TAFA5: variants seen among roughly 807,000 people sequenced by gnomAD.
TAFA5 encodes TAFA chemokine like family member 5, also known as chemokine-like protein TAFA-5.
A neutral mutation model predicts 15.3 loss-of-function variants in TAFA5; 6 were observed. The observed-to-expected ratio is 0.39, with a 90% CI of 0.21 to 0.77. The LOEUF is 0.77. TAFA5 is among the 30% of genes least tolerant of loss of function. The pLI is 0.41. For synonymous variants in TAFA5, 103 were observed against 80.7 expected (o/e 1.28, Z -1.48); for missense variants, 161 against 193.1 (o/e 0.83, Z 0.98).
chr22:48,524,281 C>T (rs8138045), intron 1 of TAFA5, among the ~76,000 whole-genome samples: 62 of 152,308 alleles, frequency 4.1e-4, no homozygotes, highest in African/African-American at 1.4e-3. Context: ...GGAGGTTCTG[C>T]TGGGCTGCGC....
At chr22:48,621,320 A>G (rs1925830001) in intron 1 of TAFA5, among the ~76,000 whole-genome samples, 1 of 146,192 alleles carries the variant, frequency 6.8e-6, no homozygotes, top group Non-Finnish European at 1.5e-5. Context: ...CCATGCACCC[A>G]CCCATCCATC....
chr22:48,584,262 TCACACACCACACACA>T (rs1362796646), intron 1 of TAFA5, among the ~76,000 whole-genome samples: 41 of 103,856 alleles, frequency 3.9e-4, no homozygotes, highest in African/African-American at 1.3e-3. Flanking sequence ...ACAAAATACA[TCACACACCACACACA>T]CACACACCAC....
chr22:48,502,440 G>A (rs1920957730), intron 1 of TAFA5, among the ~76,000 whole-genome samples: 1 of 152,136 alleles, frequency 6.6e-6, no homozygotes, highest in African/African-American at 2.4e-5. Context: ...GGCTTTTGCA[G>A]CAGTTACAGT....
At chr22:48,708,349 C>T (rs1321058011) in intron 3 of TAFA5, among the ~76,000 whole-genome samples, 2 of 152,224 alleles carry the variant, frequency 1.3e-5, no homozygotes, top group Non-Finnish European at 2.9e-5. Context: ...CCCGGAGGGC[C>T]CTTCAGCTCC....
At chr22:48,687,358 A>G (rs959688096) in intron 2 of TAFA5, among the ~76,000 whole-genome samples, 1 of 144,384 alleles carries the variant, frequency 6.9e-6, no homozygotes, top group Non-Finnish European at 1.5e-5. Flanking sequence ...TGGGTGATGG[A>G]TGGATGGTGG....
chr22:48,494,885 G>A (rs1346662876), intron 1 of TAFA5, among the ~76,000 whole-genome samples: 1 of 152,216 alleles, frequency 6.6e-6, no homozygotes, highest in Non-Finnish European at 1.5e-5. Context: ...GCTCCCTGAG[G>A]CTTTGTAGCG....
chr22:48,724,961 G>A (rs1929673516), intron 3 of TAFA5, among the ~76,000 whole-genome samples: 1 of 152,242 alleles, frequency 6.6e-6, no homozygotes, highest in Admixed American at 6.5e-5. Flanking sequence ...GCTAGAGTAG[G>A]AGTAAGCAAG....
At chr22:48,522,547 G>A (rs898004496) in intron 1 of TAFA5, among the ~76,000 whole-genome samples, 107 of 152,298 alleles carry the variant, frequency 7.0e-4, no homozygotes, top group African/African-American at 2.2e-3. Flanking sequence ...GGCTGCCTGG[G>A]GTGGGCGCGG....
At chr22:48,501,453 C>G (rs117045173) in intron 1 of TAFA5, among the ~76,000 whole-genome samples, 1 of 152,206 alleles carries the variant, frequency 6.6e-6, no homozygotes, top group Non-Finnish European at 1.5e-5. Context: ...GGCGTGAACT[C>G]GGGTGACGGC....
intron 1 of TAFA5, among the ~76,000 whole-genome samples, chr22:48,570,162 A>C (rs1459688709): frequency 6.6e-6 from 1 of 152,190 alleles, no homozygotes; most frequent in Non-Finnish European, 1.5e-5. Flanking sequence ...GGCCAACATC[A>C]TGACCTCCTC....
At chr22:48,542,503 T>G (rs376907372) in intron 1 of TAFA5, among the ~76,000 whole-genome samples, 73 of 120,652 alleles carry the variant, frequency 6.1e-4, no homozygotes, top group African/African-American at 2.3e-3. Flanking sequence ...TGTGTGTGCG[T>G]GTGTGGCATG....
At chr22:48,712,165 T>A (rs1318606378) in intron 3 of TAFA5, among the ~76,000 whole-genome samples, 1 of 152,192 alleles carries the variant, frequency 6.6e-6, no homozygotes, top group East Asian at 1.9e-4. Flanking sequence ...CAAGTGATTC[T>A]CCTGCCTCAG....
intron 1 of TAFA5, among the ~76,000 whole-genome samples, chr22:48,561,075 T>G (rs975975019): frequency 6.6e-6 from 1 of 151,964 alleles, no homozygotes; most frequent in African/African-American, 2.4e-5. Context: ...GGGAGGTGGG[T>G]GGGGACTGTG....
At chr22:48,737,864 G>A (rs1052498799) in intron 3 of TAFA5, among the ~76,000 whole-genome samples, 2 of 152,184 alleles carry the variant, frequency 1.3e-5, no homozygotes, top group African/African-American at 2.4e-5. Context: ...TCTGAGGTCA[G>A]AGGTGGGGTT....
At chr22:48,697,639 G>A (rs1408500236) in intron 2 of TAFA5, among the ~76,000 whole-genome samples, 1 of 150,824 alleles carries the variant, frequency 6.6e-6, no homozygotes, top group East Asian at 2.0e-4. Context: ...GTATGGTAGT[G>A]TTGGTGATGA....
chr22:48,661,732 T>C (rs1321555488), intron 2 of TAFA5, among the ~76,000 whole-genome samples: 1 of 152,162 alleles, frequency 6.6e-6, no homozygotes, highest in Non-Finnish European at 1.5e-5. Flanking sequence ...TGAGTAATGC[T>C]CTGGGAACCT....
At chr22:48,681,121 A>G (rs1365896581) in intron 2 of TAFA5, among the ~76,000 whole-genome samples, 1 of 152,160 alleles carries the variant, frequency 6.6e-6, no homozygotes, top group African/African-American at 2.4e-5. Context: ...AGCATGCAGC[A>G]CTCGGAGGCA....
At chr22:48,590,546 G>A (rs999161970) in intron 1 of TAFA5, among the ~76,000 whole-genome samples, 3 of 152,102 alleles carry the variant, frequency 2.0e-5, no homozygotes, top group Non-Finnish European at 4.4e-5. Flanking sequence ...GTGGCTTCTC[G>A]AGCATCTCCT....
At chr22:48,638,310 A>G (rs1413139376) in intron 1 of TAFA5, among the ~76,000 whole-genome samples, 1 of 118,110 alleles carries the variant, frequency 8.5e-6, no homozygotes, top group African/African-American at 3.4e-5. Context: ...CATAGGCAAC[A>G]ACCCCCCCCA....
Sources: gnomAD v4.1 joint callset for allele counts (sites outside exome capture counted in the v4.1 genomes callset) on GRCh38, gnomAD v4.1.1 for gene constraint, MANE v1.5 for transcripts, NCBI Gene and HGNC (gene_info 2026-07-23, HGNC 2026-07-21) for gene names.